The following RBFOX1 variants were observed in gnomAD, a reference collection of about 807,000 sequenced individuals.
RBFOX1 encodes RNA binding fox-1 homolog 1.
A neutral mutation model predicts 57.7 loss-of-function variants in RBFOX1; 8 were observed. The ratio of observed to expected loss-of-function variants is 0.14; its 90% CI spans 0.08 to 0.25. The LOEUF is 0.25. Among genes scored for constraint, RBFOX1 ranks in the 10% least tolerant of loss-of-function variants. RBFOX1 has a pLI of 1.00. For missense variants in RBFOX1, 611 were observed against 548.5 expected, an observed-to-expected ratio of 1.11 and a Z score of -1.14; for synonymous variants, 326 against 222.4, an observed-to-expected ratio of 1.47 and a Z score of -4.15.
rs555752248 is a variant in RBFOX1, at chr16:6,792,928, G to T, written c.-16+138278G>T. On this transcript the variant is annotated intron_variant, in intron 3 of 15. Coordinates refer to ENST00000550418, the MANE Select transcript of RBFOX1 (RefSeq NM_018723.4). The stretch of plus-strand genomic sequence containing the variant: ...ACCTGTAATCCAAGCTACTAGGGAG[G>T]CTGAGGCAGAGAATTGCTTGAACCC... Among the ~76,000 whole-genome samples, 5 of 152,000 alleles carry T rather than the reference G, an allele frequency of 3.3e-5. No homozygotes were observed. In the East Asian group the frequency reaches 7.8e-4, roughly 24 times the overall value.
At chr16:5,310,286 C>T (rs1341047881) in intron 1 of RBFOX1, among the ~76,000 whole-genome samples, 1 of 152,030 alleles carries the variant, frequency 6.6e-6, no homozygotes, top group East Asian at 1.9e-4. Flanking sequence ...CCTGTAGTCC[C>T]AGATACTCAG....
intron 2 of RBFOX1, among the ~76,000 whole-genome samples, chr16:6,427,345 C>G (rs545124019): frequency 1.2e-4 from 19 of 152,258 alleles, no homozygotes; most frequent in Admixed American, 3.9e-4. Context: ...CTGAGAACTC[C>G]AGACCCCAGT....
chr16:6,395,773 T>C (rs1166792046), intron 2 of RBFOX1, among the ~76,000 whole-genome samples: 4 of 152,086 alleles, frequency 2.6e-5, no homozygotes, highest in Non-Finnish European at 5.9e-5. Flanking sequence ...AAGCTGTTTT[T>C]TAACATGAGG....
chr16:6,800,951 T>TC (rs1375359979), intron 3 of RBFOX1, among the ~76,000 whole-genome samples: 1 of 152,118 alleles, frequency 6.6e-6, no homozygotes, highest in Admixed American at 6.6e-5. Context: ...TGAGTATCTC[T>TC]CAAGGGTATC....
At chr16:6,747,075 A>G (rs1233538865) in intron 3 of RBFOX1, among the ~76,000 whole-genome samples, 1 of 152,090 alleles carries the variant, frequency 6.6e-6, no homozygotes, top group Non-Finnish European at 1.5e-5. Context: ...ACGGTACCAT[A>G]GCAGGTCCCT....
At chr16:5,841,072 G>A (rs2056609263) in intron 3 of RBFOX1, among the ~76,000 whole-genome samples, 1 of 152,192 alleles carries the variant, frequency 6.6e-6, no homozygotes, top group South Asian at 2.1e-4. Flanking sequence ...GTGGAGCTGA[G>A]GGTCCTGGGA....
At chr16:7,132,081 G>C (rs113065229) in intron 4 of RBFOX1, among the ~76,000 whole-genome samples, 3,705 of 143,410 alleles carry the variant, frequency 0.026, 157 homozygotes, top group African/African-American at 0.09. Context: ...AACCTCTGCC[G>C]CCCGGGCTGA....
At chr16:6,953,953 A>G (rs1160411012) in intron 3 of RBFOX1, among the ~76,000 whole-genome samples, 1 of 152,110 alleles carries the variant, frequency 6.6e-6, no homozygotes, top group African/African-American at 2.4e-5. Context: ...GTAACCTCTT[A>G]TTTACAAAAG....
intron 3 of RBFOX1, among the ~76,000 whole-genome samples, chr16:6,920,778 TCTC>T (rs1422855267): frequency 2.6e-5 from 4 of 152,300 alleles, no homozygotes; most frequent in African/African-American, 9.6e-5. Flanking sequence ...GTGTGTGTCT[TCTC>T]CTCCTCTTAG....
intron 4 of RBFOX1, among the ~76,000 whole-genome samples, chr16:5,886,575 G>T (rs769042221): frequency 1.3e-5 from 2 of 152,196 alleles, no homozygotes; most frequent in African/African-American, 4.8e-5. Flanking sequence ...CCCTGAGCTG[G>T]AGGATGACTC....
At position 6,962,525 on chromosome 16, in the gene RBFOX1, G is replaced by A. The variant is rs149247399; in HGVS notation, c.-15-89532G>A. Among the ~76,000 whole-genome samples the A allele has an allele frequency of 5.6e-3, 858 of 152,102 alleles. 8 individuals carry two copies. The highest frequency in any genetic ancestry group is 0.019 in the African/African-American group (802 of 41,382). On this transcript the variant is annotated intron_variant, in intron 3 of 15. Coordinates refer to ENST00000550418, the MANE Select transcript of RBFOX1 (RefSeq NM_018723.4). ...GGCATCCTTTCTTCTTACTTCAGAA[G>A]CTCAGAGGTCAAAAGCACCTTAAAG...
At chr16:6,737,267 C>T (rs1438255316) in intron 3 of RBFOX1, among the ~76,000 whole-genome samples, 1 of 152,142 alleles carries the variant, frequency 6.6e-6, no homozygotes, top group Non-Finnish European at 1.5e-5. Context: ...CGTATTTCTT[C>T]TGACAAAAGT....
chr16:7,304,572 T>C (rs2096126509), intron 4 of RBFOX1: 7 of 985,230 alleles, frequency 7.1e-6, no homozygotes, highest in Non-Finnish European at 8.4e-6. Context: ...CTTCGGTGCC[T>C]TATGTAGGTT....
rs1436396 is a variant in RBFOX1 at position 5,802,470 on chromosome 16, C to G, written c.319-64833C>G. ...CTACAGGCTCAGGGGCCCTGGAAAG[C>G]TTAAAGTGATTCTTGGCCCTTCCCT... On this transcript the variant is annotated intron_variant, in intron 3 of 19. Coordinates refer to the RBFOX1 transcript ENST00000641259. Among the ~76,000 whole-genome samples the G allele has an allele frequency of 3.5e-3, 535 of 152,260 alleles. 15 individuals are homozygous for G. The highest frequency in any genetic ancestry group is 0.027 in the Admixed American group (410 of 15,296).
intron 4 of RBFOX1, among the ~76,000 whole-genome samples, chr16:7,130,398 A>G (rs1163242825): frequency 6.6e-6 from 1 of 152,118 alleles, no homozygotes; most frequent in African/African-American, 2.4e-5. Flanking sequence ...TGCTCTGGAA[A>G]TTCTCTGAGC....
chr16:6,112,302 C>T (rs1422724236), intron 1 of RBFOX1, among the ~76,000 whole-genome samples: 3 of 152,116 alleles, frequency 2.0e-5, no homozygotes. Flanking sequence ...GTAAATGGTC[C>T]TTCAAATGTT....
chr16:5,303,481 C>T (rs773912580), intron 1 of RBFOX1, among the ~76,000 whole-genome samples: 4 of 152,176 alleles, frequency 2.6e-5, no homozygotes, highest in Non-Finnish European at 5.9e-5. Context: ...ACAGCTGCTT[C>T]CCTCAGTTTG....
At chr16:6,897,824 T>C (rs2067330017) in intron 3 of RBFOX1, among the ~76,000 whole-genome samples, 1 of 152,094 alleles carries the variant, frequency 6.6e-6, no homozygotes, top group South Asian at 2.1e-4. Context: ...GTCCTTAACA[T>C]GGATTACAGA....
chr16:5,644,627 G>T (rs2048988722), intron 3 of RBFOX1, among the ~76,000 whole-genome samples: 1 of 152,170 alleles, frequency 6.6e-6, no homozygotes. Context: ...CAATGTTGCT[G>T]ATTCACAATT....
Sources: gnomAD v4.1 joint callset for allele counts (sites outside exome capture counted in the v4.1 genomes callset) on GRCh38, gnomAD v4.1.1 for gene constraint, MANE v1.5 for transcripts, NCBI Gene and HGNC (gene_info 2026-07-23, HGNC 2026-07-21) for gene names.